NFIA: variants seen among roughly 807,000 people sequenced by gnomAD.
NFIA encodes nuclear factor I A, also known as nuclear factor 1 A-type.
In NFIA, 8 loss-of-function variants were observed where a neutral mutation model predicts 62.8. That is an observed-to-expected ratio of 0.13 (90% confidence interval 0.07 to 0.23). NFIA has a LOEUF of 0.23. NFIA is among the 10% of genes least tolerant of loss of function. The pLI, the probability that NFIA is intolerant of heterozygous loss-of-function variation, is 1.00. For synonymous variants in NFIA, 235 were observed against 238.1 expected, an observed-to-expected ratio of 0.99 and a Z score of 0.12; for missense variants, 410 against 642.1, an observed-to-expected ratio of 0.64 and a Z score of 3.91.
intron 3 of NFIA, among the ~76,000 whole-genome samples, chr1:61,324,789 T>C (rs1660846124): frequency 6.6e-6 from 1 of 152,206 alleles, no homozygotes; most frequent in Admixed American, 6.5e-5. Flanking sequence ...TAACTGCTGA[T>C]ATCATCAAGG....
intron 2 of NFIA, among the ~76,000 whole-genome samples, chr1:61,255,856 A>G (rs541172984): frequency 1.3e-5 from 2 of 152,194 alleles, no homozygotes; most frequent in Non-Finnish European, 2.9e-5. Flanking sequence ...TTTGTTGTAT[A>G]ATACAGATCT....
intron 3 of NFIA, among the ~76,000 whole-genome samples, chr1:61,287,386 A>ATGGAG (rs1658571471): frequency 6.6e-6 from 1 of 152,230 alleles, no homozygotes; most frequent in Non-Finnish European, 1.5e-5. Flanking sequence ...TGTGTAAACA[A>ATGGAG]TTATTTCTCA....
At position 61,430,201 on chromosome 1, in the gene NFIA, T is replaced by A. The variant is rs59926606; in HGVS notation, c.1512+3645T>A. On this transcript the variant is annotated intron_variant, in intron 10 of 10. Coordinates refer to ENST00000403491, the MANE Select transcript of NFIA (RefSeq NM_001134673.4). Reference sequence around the variant, plus strand: ...AGAGCAAGTGGACTGTTGATCAGAGTAATTGTGTGCTGACTGCTCAGAAAA... The same window carrying A: ...AGAGCAAGTGGACTGTTGATCAGAGAAATTGTGTGCTGACTGCTCAGAAAA... Among the ~76,000 whole-genome samples, 1,459 of 152,290 alleles carry A rather than the reference T, an allele frequency of 9.6e-3. 25 individuals carry two copies. Among genetic ancestry groups the A allele is most frequent in the African/African-American group, 0.034 (1,409 of 41,554 alleles).
intron 5 of NFIA, among the ~76,000 whole-genome samples, chr1:61,358,871 C>T (rs537041423): frequency 2.6e-5 from 4 of 152,212 alleles, no homozygotes; most frequent in South Asian, 2.1e-4. Flanking sequence ...TAGAGCCAGC[C>T]GCTTATTCCT....
intron 2 of NFIA, among the ~76,000 whole-genome samples, chr1:61,184,437 T>C (rs530020055): frequency 5.4e-4 from 83 of 152,378 alleles, no homozygotes; most frequent in African/African-American, 1.9e-3. Flanking sequence ...TCTTGCTGAA[T>C]GTGTCTAGCA....
intron 2 of NFIA, among the ~76,000 whole-genome samples, chr1:61,238,144 C>G (rs950705867): frequency 6.6e-6 from 1 of 152,150 alleles, no homozygotes; most frequent in Non-Finnish European, 1.5e-5. Context: ...AAGCAGTTTG[C>G]TTTGTTACCT....
intron 10 of NFIA, among the ~76,000 whole-genome samples, chr1:61,442,706 CAAAA>C (rs1228749471): frequency 1.3e-5 from 2 of 151,916 alleles, no homozygotes; most frequent in Non-Finnish European, 2.9e-5. Flanking sequence ...AAAAAATACA[CAAAA>C]GAAAGAACAC....
At chr1:61,378,776 A>G (rs2364479) in intron 6 of NFIA, among the ~76,000 whole-genome samples, 2 of 152,166 alleles carry the variant, frequency 1.3e-5, no homozygotes, top group African/African-American at 4.8e-5. Flanking sequence ...GGCAGAATTC[A>G]GTTGCTTGTG....
At chr1:61,327,307 G>A (rs142533882) in intron 3 of NFIA, among the ~76,000 whole-genome samples, 133 of 151,802 alleles carry the variant, frequency 8.8e-4, no homozygotes, top group Middle Eastern at 6.8e-3. Context: ...TGGGTACATG[G>A]ATGAATTGTA....
intron 8 of NFIA, among the ~76,000 whole-genome samples, chr1:61,405,857 A>G (rs548957451): frequency 8.5e-5 from 13 of 152,236 alleles, no homozygotes; most frequent in Non-Finnish European, 1.2e-4. Context: ...ATCAGGCAGC[A>G]AAATAAATAT....
chr1:61,332,429 A>G (rs1661346220), intron 3 of NFIA, 83 bp from the exon 4 acceptor site: 6 of 1,308,730 alleles, frequency 4.6e-6, no homozygotes, highest in Admixed American at 1.7e-5. Context: ...TGTGTTAATC[A>G]TAATGAAACT....
rs903163177 is a variant in NFIA, at chr1:61,358,616, C to T, written c.819-531C>T. On this transcript the variant is annotated intron_variant, in intron 5 of 10. Coordinates refer to ENST00000403491, the MANE Select transcript of NFIA (RefSeq NM_001134673.4). ...GGCCAGGATGGTCTCAAACTCCTGA[C>T]CTCAAGTGTGATCAGCCTGCCTTGG... Among the ~76,000 whole-genome samples, 17 of 152,036 alleles carry T rather than the reference C, an allele frequency of 1.1e-4. 1 individual carries two copies. The highest frequency in any genetic ancestry group is 9.7e-5 in the African/African-American group (4 of 41,388).
In NFIA at chr1:61,400,048, A is replaced by AT. The variant is rs35469233; in HGVS notation, c.1076-4051dup. On this transcript the variant is annotated intron_variant, in intron 7 of 10. Coordinates refer to ENST00000403491, the MANE Select transcript of NFIA (RefSeq NM_001134673.4). ...TCCTTTAAACTAAAACCAAGAGAGGATTTTTAAGAACTGGTGGGCTGCTGG... is the reference window on the plus strand; with the variant it reads ...TCCTTTAAACTAAAACCAAGAGAGGATTTTTTAAGAACTGGTGGGCTGCTGG... Among the ~76,000 whole-genome samples the AT allele has an allele frequency of 1.2e-4, 18 of 152,300 alleles. No individual in the cohort carries two copies. The South Asian group carries it at 3.1e-3, about 26-fold the overall frequency.
intron 2 of NFIA, among the ~76,000 whole-genome samples, chr1:61,191,562 G>C (rs1651625440): frequency 6.6e-6 from 1 of 152,168 alleles, no homozygotes; most frequent in African/African-American, 2.4e-5. Flanking sequence ...AGTGCTGAAG[G>C]TTTTTGTTTC....
intron 6 of NFIA, among the ~76,000 whole-genome samples, chr1:61,365,341 C>T (rs1663531181): frequency 1.3e-5 from 2 of 152,302 alleles, no homozygotes; most frequent in South Asian, 2.1e-4. Flanking sequence ...GTTCTCCCTA[C>T]TCAGTACTTG....
At chr1:61,154,599 C>T (rs1202839427) in intron 2 of NFIA, among the ~76,000 whole-genome samples, 4 of 152,172 alleles carry the variant, frequency 2.6e-5, no homozygotes, top group Non-Finnish European at 4.4e-5. Flanking sequence ...TACAGGCACA[C>T]GCCACCCTGC....
At chr1:61,327,561 C>A (rs1661019356) in intron 3 of NFIA, among the ~76,000 whole-genome samples, 1 of 152,090 alleles carries the variant, frequency 6.6e-6, no homozygotes, top group Admixed American at 6.6e-5. Flanking sequence ...TGGCCTCTGG[C>A]TCCATCCACG....
At chr1:61,204,670 C>A (rs952090941) in intron 2 of NFIA, among the ~76,000 whole-genome samples, 16 of 152,028 alleles carry the variant, frequency 1.1e-4, no homozygotes, top group Non-Finnish European at 1.5e-4. Context: ...TTCTGCCCCC[C>A]CCACCCTTGG....
intron 2 of NFIA, among the ~76,000 whole-genome samples, chr1:61,116,412 C>G (rs888259174): frequency 6.6e-6 from 1 of 152,128 alleles, no homozygotes; most frequent in Non-Finnish European, 1.5e-5. Context: ...ACAGAGTTGG[C>G]TCTGAAACTG....
Sources: gnomAD v4.1 joint callset for allele counts (sites outside exome capture counted in the v4.1 genomes callset) on GRCh38, gnomAD v4.1.1 for gene constraint, MANE v1.5 for transcripts, NCBI Gene and HGNC (gene_info 2026-07-23, HGNC 2026-07-21) for gene names.